The following TLL2 variants were observed in gnomAD, a reference collection of about 807,000 sequenced individuals.
TLL2 encodes tolloid like 2.
TLL2 carries 106 observed loss-of-function variants against 123.0 expected under a neutral mutation model. That is an observed-to-expected ratio of 0.86 (90% CI 0.74 to 1.01). TLL2 has a LOEUF of 1.01. Among genes scored for constraint, TLL2 ranks in the 50% least tolerant of loss-of-function variants. TLL2 has a pLI of 0.00. For missense variants in TLL2, 1,332 were observed against 1,336.7 expected (o/e 1.00, Z 0.06); for synonymous variants, 494 against 516.8 (o/e 0.96, Z 0.60).
chr10:96,403,369 T>G (rs1050610798), intron 10 of TLL2, among the ~76,000 whole-genome samples: 1 of 152,232 alleles, frequency 6.6e-6, no homozygotes, highest in Non-Finnish European at 1.5e-5. Flanking sequence ...AAACAATTGC[T>G]TTGCTGAGAT....
intron 2 of TLL2, among the ~76,000 whole-genome samples, chr10:96,477,759 C>T (rs1315879299): frequency 1.3e-5 from 2 of 152,166 alleles, no homozygotes; most frequent in Non-Finnish European, 2.9e-5. Context: ...GCAGTCTGAC[C>T]CAAAGCCTGT....
intron 2 of TLL2, among the ~76,000 whole-genome samples, chr10:96,453,974 C>T (rs61857573): frequency 0.098 from 14,877 of 151,960 alleles, 908 homozygotes; most frequent in Non-Finnish European, 0.14. Flanking sequence ...AACTAGATTA[C>T]ATCATACACT....
At chr10:96,413,083 A>C in intron 8 of TLL2, 109 bp downstream of exon 8, 1 of 1,477,422 alleles carries the variant, frequency 6.8e-7, no homozygotes, top group Non-Finnish European at 9.1e-7. Flanking sequence ...CAGAAATTAA[A>C]GCTGCCAAGG....
intron 2 of TLL2, among the ~76,000 whole-genome samples, chr10:96,461,548 AC>A (rs1454818116): frequency 1.3e-5 from 2 of 151,194 alleles, no homozygotes; most frequent in African/African-American, 4.9e-5. Context: ...CCTGCCAACC[AC>A]CCTGGACTCT....
At chr10:96,389,532 C>T (rs531324238) in intron 13 of TLL2, among the ~76,000 whole-genome samples, 12 of 152,178 alleles carry the variant, frequency 7.9e-5, no homozygotes, top group South Asian at 2.1e-4. Flanking sequence ...GGAAGATGGA[C>T]GGGCAGGAGG....
intron 5 of TLL2, among the ~76,000 whole-genome samples, chr10:96,426,847 G>A (rs1326550736): frequency 6.6e-6 from 1 of 152,132 alleles, no homozygotes; most frequent in African/African-American, 2.4e-5. Flanking sequence ...TGTTAGCTCT[G>A]TAATGTTTCA....
chr10:96,436,051 C>A (rs184998710), intron 3 of TLL2, among the ~76,000 whole-genome samples: 2 of 152,192 alleles, frequency 1.3e-5, no homozygotes, highest in East Asian at 3.9e-4. Context: ...GTTCTAATAA[C>A]CTATTCTTCA....
intron 19 of TLL2, among the ~76,000 whole-genome samples, chr10:96,371,448 G>A (rs768108402): frequency 7.9e-5 from 12 of 152,226 alleles, no homozygotes; most frequent in Non-Finnish European, 1.5e-4. Context: ...TGCCCCCCGA[G>A]GGGCCCAGGC....
chr10:96,415,981 C>A (rs1333098991), intron 7 of TLL2, among the ~76,000 whole-genome samples: 1 of 151,480 alleles, frequency 6.6e-6, no homozygotes, highest in Non-Finnish European at 1.5e-5. Context: ...CTGTACCCAA[C>A]ATGTAACCCT....
At chr10:96,457,910 G>A (rs1485019893) in intron 2 of TLL2, among the ~76,000 whole-genome samples, 2 of 152,124 alleles carry the variant, frequency 1.3e-5, no homozygotes, top group African/African-American at 4.8e-5. Context: ...AAACATCATC[G>A]GCAATGATCT....
chr10:96,371,043 C>T lies in TLL2; in HGVS notation c.2663-728G>A, dbSNP rs115787710. 5.7e-3 allele frequency among the ~76,000 whole-genome samples: 869 copies of T among 152,186 alleles called. 12 individuals carry two copies. Among genetic ancestry groups the T allele is most frequent in the African/African-American group, 0.02 (831 of 41,518 alleles). On this transcript the variant is annotated intron_variant, in intron 19 of 20. Transcript: ENST00000357947. ...CACATAAAATAAAATGGATATTGGC[C>T]GGGCGCAGTGGCTCATGCCTGTAAT...
At chr10:96,465,077 A>T (rs564781614) in intron 2 of TLL2, among the ~76,000 whole-genome samples, 2 of 152,220 alleles carry the variant, frequency 1.3e-5, no homozygotes, top group Non-Finnish European at 2.9e-5. Flanking sequence ...AAAGGAAGAG[A>T]CCAACTCCAG....
chr10:96,438,440 A>ATATT, intron 3 of TLL2, among the ~76,000 whole-genome samples: 1 of 152,314 alleles, frequency 6.6e-6, no homozygotes, highest in Admixed American at 6.5e-5. Flanking sequence ...TAGAAATGTG[A>ATATT]GCCATTATAG....
chr10:96,511,453 G>A (rs1847631217), intron 1 of TLL2, among the ~76,000 whole-genome samples: 2 of 152,232 alleles, frequency 1.3e-5, no homozygotes, highest in Admixed American at 1.3e-4. Context: ...TGAGTTGGGA[G>A]AATTCAAGGA....
chr10:96,452,498 G>A (rs1039395374), intron 2 of TLL2, among the ~76,000 whole-genome samples: 1 of 152,200 alleles, frequency 6.6e-6, no homozygotes, highest in Admixed American at 6.5e-5. Flanking sequence ...CCATGTCTTA[G>A]GCCTTCTTAA....
Position 96,499,838 on chromosome 10 carries a change from C to T in TLL2, c.175+13673G>A, listed in dbSNP as rs370363152. Reference sequence around the variant, plus strand: ...CAGAAGAAATACAAACAATCAAAAACGTATTTTAAAAGGGTCAAAATTACT... The same window carrying T: ...CAGAAGAAATACAAACAATCAAAAATGTATTTTAAAAGGGTCAAAATTACT... On this transcript the variant is annotated intron_variant, in intron 1 of 20. Transcript: ENST00000357947. 7.2e-5 allele frequency among the ~76,000 whole-genome samples: 11 copies of T among 152,102 alleles called. 1 individual carries two copies. Among genetic ancestry groups the T allele is most frequent in the Admixed American group, 5.9e-4 (9 of 15,274 alleles).
At chr10:96,380,349 C>T (rs1179246137) in intron 16 of TLL2, among the ~76,000 whole-genome samples, 3 of 152,012 alleles carry the variant, frequency 2.0e-5, no homozygotes, top group Non-Finnish European at 4.4e-5. Flanking sequence ...TCTTGTTCAC[C>T]ATTGTTAATG....
chr10:96,397,243 C>A lies in TLL2; in HGVS notation c.1327G>T (p.Val443Leu). The change falls in exon 11 of 21, where the codon GTG becomes TTG. Residue 443 changes from valine (V) to leucine (L), a missense_variant. Coordinates refer to ENST00000357947, the MANE Select transcript of TLL2 (RefSeq NM_012465.4). Reference sequence around the variant, plus strand: ...ATGTTGCTGCTGCTGCGGAACTCCACCCAGAGCCGGCTGTCCGTGGAGACG... The same window carrying A: ...ATGTTGCTGCTGCTGCGGAACTCCAACCAGAGCCGGCTGTCCGTGGAGACG... ...PLVSTDSRLW[V>L]EFRSSSNILG... The A allele has an allele frequency of 6.2e-7, 1 of 1,613,852 alleles. No homozygotes were observed. Among genetic ancestry groups the A allele is most frequent in the Non-Finnish European group, 8.5e-7 (1 of 1,179,810 alleles).
At chr10:96,409,610 T>C (rs999690143) in intron 9 of TLL2, among the ~76,000 whole-genome samples, 6 of 152,228 alleles carry the variant, frequency 3.9e-5, no homozygotes, top group Non-Finnish European at 7.3e-5. Context: ...GATATAACAG[T>C]ACGTGCCCTG....
Sources: gnomAD v4.1 joint callset for allele counts (sites outside exome capture counted in the v4.1 genomes callset) on GRCh38, gnomAD v4.1.1 for gene constraint, MANE v1.5 for transcripts, NCBI Gene and HGNC (gene_info 2026-07-23, HGNC 2026-07-21) for gene names.